A3GALT2: variants seen among roughly 807,000 people sequenced by gnomAD.
A3GALT2 encodes alpha-1,3-galactosyltransferase 2.
Under a neutral mutation model 16.6 loss-of-function variants are expected in A3GALT2, and 14 were observed. The ratio of observed to expected loss-of-function variants is 0.84; its 90% confidence interval spans 0.56 to 1.32. A3GALT2 has a LOEUF of 1.32. Ranked by LOEUF, A3GALT2 falls within the 40% of genes most tolerant of loss-of-function variation. A3GALT2 has a pLI of 0.00. For missense variants in A3GALT2, 600 were observed against 490.9 expected (o/e 1.22, Z -2.10); for synonymous variants, 253 against 218.0 (o/e 1.16, Z -1.42).
In A3GALT2 at chr1:33,306,877, G is replaced by C. The variant is rs1239922206; in HGVS notation, c.912C>G (p.Ala304=). 2 of 1,520,254 alleles carry C rather than the reference G, an allele frequency of 1.3e-6. No individual in the cohort carries two copies. The highest frequency in any genetic ancestry group is 2.1e-5 in the Admixed American group (1 of 48,518). The allele number at this position is 1,520,254 out of a possible 1,614,324, so 94.2% of individuals were successfully genotyped here. ...AGCAGAACTCGGGCGACAGCACCTT[G>C]GCGGGCTTGTGCAGCCAGAAGAACT... ...LNKFFWLHKP[A]KVLSPEFCWS... The change falls in exon 5 of 5, where the codon GCC becomes GCG. Residue 304 remains alanine (A), a synonymous_variant. Coordinates refer to ENST00000442999, the MANE Select transcript of A3GALT2 (RefSeq NM_001080438.1).
At chr1:33,308,750 G>GTTGTTGTTTTT (rs1646216251) in intron 4 of A3GALT2, among the ~76,000 whole-genome samples, 1 of 46,130 alleles carries the variant, frequency 2.2e-5, no homozygotes, top group Non-Finnish European at 3.8e-5. Flanking sequence ...TGTCAAAGTT[G>GTTGTTGTTTTT]TTTTTTTTTT....
chr1:33,314,945 C>CT (rs1399875618), intron 1 of A3GALT2: 4 of 151,982 alleles, frequency 2.6e-5, no homozygotes, highest in Admixed American at 2.0e-4. Flanking sequence ...AAAATGAGCA[C>CT]TTTTTAAAAA....
chr1:33,317,340 T>C (rs190429851), intron 1 of A3GALT2, among the ~76,000 whole-genome samples: 16 of 152,306 alleles, frequency 1.1e-4, no homozygotes, highest in Middle Eastern at 3.4e-3. Flanking sequence ...AAAGGAAGAA[T>C]GTGTTTGTGC....
intron 1 of A3GALT2, among the ~76,000 whole-genome samples, chr1:33,319,230 C>T (rs973998287): frequency 6.6e-6 from 1 of 152,144 alleles, no homozygotes; most frequent in African/African-American, 2.4e-5. Context: ...TCGCTGAGAA[C>T]ATAGAAGGAA....
In A3GALT2 at chr1:33,306,854, C is replaced by T; in HGVS notation, c.935G>A (p.Cys312Tyr). ...KPAKVLSPEF[C>Y]WSPDIGPRAE... ...CCGCGGGCCGATGTCCGGGCTCCAGCAGAACTCGGGCGACAGCACCTTGGC... is the reference window on the plus strand; with the variant it reads ...CCGCGGGCCGATGTCCGGGCTCCAGTAGAACTCGGGCGACAGCACCTTGGC... The change falls in exon 5 of 5, where the codon TGC (cysteine) becomes TAC (tyrosine). Residue 312 changes from cysteine (C) to tyrosine (Y), a missense_variant. Cys to Tyr is a radical substitution (Grantham distance 194, BLOSUM62 -2). Transcript: ENST00000442999. 6.6e-7 allele frequency: 1 copy of T among 1,512,082 alleles called. No homozygotes were observed. The highest frequency in any genetic ancestry group is 1.2e-5 in the South Asian group (1 of 80,938). 93.7% of individuals were successfully genotyped at this position (1,512,082 alleles called of 1,614,324 possible).
chr1:33,318,831 A>G (rs1436239544), intron 1 of A3GALT2, among the ~76,000 whole-genome samples: 1 of 152,154 alleles, frequency 6.6e-6, no homozygotes, highest in Non-Finnish European at 1.5e-5. Context: ...AAGCGATGCT[A>G]GGGACTGTCT....
chr1:33,313,883 AG>A (rs991424209), intron 1 of A3GALT2, among the ~76,000 whole-genome samples: 1 of 151,982 alleles, frequency 6.6e-6, no homozygotes, highest in African/African-American at 2.4e-5. Context: ...CCTTCACACA[AG>A]CTAAGCGTTG....
At chr1:33,309,074 C>G (rs1021738844) in intron 4 of A3GALT2, among the ~76,000 whole-genome samples, 1 of 151,184 alleles carries the variant, frequency 6.6e-6, no homozygotes, top group Non-Finnish European at 1.5e-5. Flanking sequence ...TCAGAGAGCA[C>G]GGGGTTGGGG....
chr1:33,319,968 G>A (rs1336225380), intron 1 of A3GALT2, among the ~76,000 whole-genome samples: 1 of 152,012 alleles, frequency 6.6e-6, no homozygotes, highest in Non-Finnish European at 1.5e-5. Context: ...AATGGGTGGG[G>A]TTGGGCTTTG....
At position 33,312,023 on chromosome 1, in the gene A3GALT2, A is replaced by T. The variant is rs770897519; in HGVS notation, c.335+29T>A. Reference sequence around the variant, plus strand: ...CACACCCCTCCCACTCACAGCTTTGACAGCACTGCTCCCCTTCCCAGGCCT... The same window carrying T: ...CACACCCCTCCCACTCACAGCTTTGTCAGCACTGCTCCCCTTCCCAGGCCT... On this transcript the variant is annotated intron_variant, in intron 4 of 4. Transcript: ENST00000442999. 5 of 1,612,604 alleles carry T rather than the reference A, an allele frequency of 3.1e-6. No homozygotes were observed. In the South Asian group the frequency reaches 5.5e-5, roughly 18 times the overall value.
chr1:33,315,199 C>T (rs907230186), intron 1 of A3GALT2, among the ~76,000 whole-genome samples: 6 of 152,042 alleles, frequency 3.9e-5, no homozygotes, highest in East Asian at 3.9e-4. Context: ...CTGGCCAACA[C>T]GGTGAAACCC....
At chr1:33,310,111 G>A (rs934931423) in intron 4 of A3GALT2, among the ~76,000 whole-genome samples, 5 of 152,264 alleles carry the variant, frequency 3.3e-5, no homozygotes, top group African/African-American at 9.6e-5. Flanking sequence ...AGACCAGCCC[G>A]GCCAACACGG....
chr1:33,312,073 A>C lies in A3GALT2; in HGVS notation c.314T>G (p.Leu105Arg), dbSNP rs143165857. Residue 105 changes from leucine to arginine, a missense_variant, in exon 4 of 5, where the codon CTG becomes CGG. Physicochemically the swap from Leu to Arg is moderately radical, Grantham distance 102. Transcript: ENST00000442999. ...TTACCTGCCTACAGCAAAGATAGTC[A>C]GCCCAATGGTGAGGTTCTGCTGTCT... ...EARQQNLTIG[L>R]TIFAVGRYLE... is the part of the protein sequence containing the mutation. 5,639 of 1,608,130 alleles carry C rather than the reference A, an allele frequency of 3.5e-3. 17 individuals carry two copies. The highest frequency in any genetic ancestry group is 4.4e-3 in the Non-Finnish European group (5,178 of 1,175,934).
At chr1:33,312,629 G>C (rs373449488) in intron 2 of A3GALT2, 39 bp from the exon 3 acceptor site, 19 of 1,522,590 alleles carry the variant, frequency 1.2e-5, no homozygotes, top group Admixed American at 1.9e-5. Flanking sequence ...GCAGCCGTGA[G>C]AAGCATGTCA....
chr1:33,308,750 G>GTTGTTTT (rs1646216251), intron 4 of A3GALT2, among the ~76,000 whole-genome samples: 7 of 46,128 alleles, frequency 1.5e-4, no homozygotes, highest in Non-Finnish European at 2.7e-4. Context: ...TGTCAAAGTT[G>GTTGTTTT]TTTTTTTTTT....
rs1646194185 is a variant in A3GALT2 at position 33,306,788 on chromosome 1, C to T, written c.1001G>A (p.Gly334Glu). 27 of 1,429,298 alleles carry T rather than the reference C, an allele frequency of 1.9e-5. No homozygotes were observed. The highest frequency in any genetic ancestry group is 2.2e-5 in the Non-Finnish European group (24 of 1,100,084). The allele number at this position is 1,429,298 out of a possible 1,614,324, so 88.5% of individuals were successfully genotyped here. A position where few individuals can be genotyped will look rare whatever the true frequency, so the allele number is the denominator to read the frequency against. ...RRPRLLWAPK[G>E]YRLLRN The stretch of plus-strand genomic sequence containing the variant: ...GCGCTAGTTCCGCAGCAGCCGGTAC[C>T]CCTTGGGCGCCCACAGCAGTCGCGG... Residue 334 changes from glycine to glutamate, a missense_variant, in exon 5 of 5, where the codon GGG becomes GAG. By Grantham distance (98) the Gly-to-Glu change is moderately conservative. Coordinates refer to ENST00000442999, the MANE Select transcript of A3GALT2 (RefSeq NM_001080438.1).
At position 33,312,097 on chromosome 1, in the gene A3GALT2, C is replaced by A; in HGVS notation, c.290G>T (p.Arg97Ile). ...CAGCCCAATGGTGAGGTTCTGCTGTCTAGCCTCTTGCTTGGCCACATCTGG... is the reference window on the plus strand; with the variant it reads ...CAGCCCAATGGTGAGGTTCTGCTGTATAGCCTCTTGCTTGGCCACATCTGG... ...FDPDVAKQEA[R>I]QQNLTIGLTI... is the part of the protein sequence containing the mutation. Residue 97 changes from arginine to isoleucine, a missense_variant, in exon 4 of 5, where the codon AGA becomes ATA. Coordinates refer to ENST00000442999, the MANE Select transcript of A3GALT2 (RefSeq NM_001080438.1). The A allele has an allele frequency of 6.2e-7, 1 of 1,613,726 alleles. No homozygotes were observed.
rs993822732 is a variant in A3GALT2 at position 33,312,711 on chromosome 1, A to T, written c.107+96T>A. The T allele has an allele frequency of 3.5e-6, 5 of 1,438,582 alleles. No individual in the cohort carries two copies. In the African/African-American group the frequency reaches 5.6e-5, roughly 16 times the overall value. 89.1% of individuals were successfully genotyped at this position (1,438,582 alleles called of 1,614,324 possible). ...CTCACAAGGACACTTGAGCTGAGTT[A>T]GCCACTGCCCTCCATCCCTCAAGGA... is the stretch of plus-strand genomic sequence containing the variant. On this transcript the variant is annotated intron_variant, in intron 2 of 4. Coordinates refer to ENST00000442999, the MANE Select transcript of A3GALT2 (RefSeq NM_001080438.1).
intron 1 of A3GALT2, among the ~76,000 whole-genome samples, chr1:33,317,403 AG>A (rs756899018): frequency 2.6e-5 from 4 of 152,240 alleles, no homozygotes; most frequent in Non-Finnish European, 4.4e-5. Flanking sequence ...TATTTACAGT[AG>A]GTTGCTTTTT....
Sources: allele counts gnomAD v4.1 joint callset (sites outside exome capture counted in the v4.1 genomes callset), GRCh38; gene constraint gnomAD v4.1.1; transcripts MANE v1.5; gene names NCBI Gene and HGNC (gene_info 2026-07-23, HGNC 2026-07-21).